The following OR8B2 variants were observed in gnomAD, a reference collection of about 807,000 sequenced individuals.
The protein encoded by OR8B2 is olfactory receptor family 8 subfamily B member 2.
For synonymous variants in OR8B2, 98 were observed against 138.2 expected, an observed-to-expected ratio of 0.71 and a Z score of 2.04; for missense variants, 304 against 379.6, an observed-to-expected ratio of 0.80 and a Z score of 1.65.
chr11:124,382,997 G>A lies in OR8B2; in HGVS notation c.347C>T (p.Thr116Ile), dbSNP rs371404244. 35 of 1,613,456 alleles carry A rather than the reference G, an allele frequency of 2.2e-5. No homozygotes were observed. In the African/African-American group the frequency reaches 3.3e-4, roughly 15 times the overall value. ...CACATAGCGATCATATGCCATTGAA[G>A]TCAACATGTAACATTCAGAGATGAC... ...FFVISECYMLTSMAYDRYVAI... is the reference protein window; with the variant it reads ...FFVISECYMLISMAYDRYVAI... Residue 116 changes from threonine to isoleucine, a missense_variant, in exon 2 of 2, where the codon ACT (threonine) becomes ATT (isoleucine). By Grantham distance (89) the Thr-to-Ile change is moderately conservative. Transcript: ENST00000641451.
chr11:124,391,089 A>C, the OR8B2 span, among the ~76,000 whole-genome samples: 1 of 152,172 alleles, frequency 6.6e-6, no homozygotes, highest in South Asian at 2.1e-4. Flanking sequence ...TATCTCATAG[A>C]CTTGTTCACC....
Position 124,384,371 on chromosome 11 carries a change from C to A in OR8B2, c.-18+3G>T, listed in dbSNP as rs1392038178. 6.6e-6 allele frequency: 1 copy of A among 152,180 alleles called. No individual in the cohort carries two copies. Among genetic ancestry groups the A allele is most frequent in the Non-Finnish European group, 1.5e-5 (1 of 68,040 alleles). The allele number at this position is 152,180 out of a possible 1,614,324, so 9.4% of individuals were successfully genotyped here. A position where few individuals can be genotyped will look rare whatever the true frequency, so the allele number is the denominator to read the frequency against. ...GAGAGAAATAGAAACTTGATTAACT[C>A]ACCTTCCTTCCACTCAGAGAACTCA... On this transcript the variant is annotated splice_donor_region_variant and intron_variant, in intron 1 of 1. Coordinates refer to ENST00000641451, the MANE Select transcript of OR8B2 (RefSeq NM_001005468.2).
chr11:124,390,980 T>G, the OR8B2 span, among the ~76,000 whole-genome samples: 1 of 152,146 alleles, frequency 6.6e-6, no homozygotes, highest in East Asian at 1.9e-4. Context: ...CCAGCAACAA[T>G]TGCTTCAAAG....
the OR8B2 span, among the ~76,000 whole-genome samples, chr11:124,393,279 GA>G: frequency 7.2e-6 from 1 of 138,602 alleles, no homozygotes; most frequent in Non-Finnish European, 1.5e-5. Flanking sequence ...CTAATTAAAT[GA>G]AAGAGCTTCT....
chr11:124,390,024 T>C, the OR8B2 span, among the ~76,000 whole-genome samples: 9 of 152,236 alleles, frequency 5.9e-5, no homozygotes, highest in African/African-American at 1.9e-4. Context: ...GATTCTCAAA[T>C]GTCAGAGAAG....
upstream of OR8B2, among the ~76,000 whole-genome samples, chr11:124,385,498 G>A (rs2134193287): frequency 7.4e-5 from 2 of 27,000 alleles, no homozygotes; most frequent in Middle Eastern, 0.024. Flanking sequence ...ATGCGTGTGT[G>A]TGTGTGTGTG....
chr11:124,386,080 C>A (rs1233173776), upstream of OR8B2, among the ~76,000 whole-genome samples: 10 of 152,058 alleles, frequency 6.6e-5, no homozygotes, highest in African/African-American at 1.9e-4. Flanking sequence ...CCAGTTCTAT[C>A]ATAGGGTCAG....
upstream of OR8B2, among the ~76,000 whole-genome samples, chr11:124,387,056 C>G (rs966014847): frequency 6.6e-6 from 1 of 152,198 alleles, no homozygotes; most frequent in Non-Finnish European, 1.5e-5. Context: ...TAAATGTCTT[C>G]TTTTGAGAAG....
chr11:124,383,093 T>C lies in OR8B2; in HGVS notation c.251A>G (p.Asn84Ser), dbSNP rs779246524. The C allele has an allele frequency of 3.1e-6, 5 of 1,613,704 alleles. No homozygotes were observed. The African/African-American group carries it at 6.7e-5, about 22-fold the overall frequency. ...SSVFTPKMLM[N>S]FVSKKNIISN... ...GATAATATTCTTTTTTGACACAAAG[T>C]TCATTAGCATTTTGGGAGTGAAAAC... The change falls in exon 2 of 2, where the codon AAC becomes AGC. Residue 84 changes from asparagine (N) to serine (S), a missense_variant. Transcript: ENST00000641451.
chr11:124,382,581 C>T lies in OR8B2; in HGVS notation c.763G>A (p.Ala255Thr). 1 of 1,612,600 alleles carries T rather than the reference C, an allele frequency of 6.2e-7. No homozygotes were observed. The highest frequency in any genetic ancestry group is 1.1e-5 in the South Asian group (1 of 90,816). Reference sequence around the variant, plus strand: ...GAATATTTAATATACATGAATGCCGCTGACCCAAAAAACAGAGACAGAGCA... The same window carrying T: ...GAATATTTAATATACATGAATGCCGTTGACCCAAAAAACAGAGACAGAGCA... ...VIALSLFFGS[A>T]AFMYIKYSSG... is the part of the protein sequence containing the mutation. Residue 255 changes from alanine to threonine, a missense_variant, in exon 2 of 2, where the codon GCG (alanine) becomes ACG (threonine). By Grantham distance (58) the Ala-to-Thr change is moderately conservative (BLOSUM62 0). Coordinates refer to ENST00000641451, the MANE Select transcript of OR8B2 (RefSeq NM_001005468.2).
rs61911137 is a variant in OR8B2, at chr11:124,383,639, A to G, written c.-17-279T>C. Among the ~76,000 whole-genome samples, 10 of 152,162 alleles carry G rather than the reference A, an allele frequency of 6.6e-5. 1 individual carries two copies. The highest frequency in any genetic ancestry group is 3.9e-4 in the Admixed American group (6 of 15,272). On this transcript the variant is annotated intron_variant, in intron 1 of 1. Coordinates refer to ENST00000641451, the MANE Select transcript of OR8B2 (RefSeq NM_001005468.2). ...CTACCTGCTGTTGAGCTTGGGTTAT[A>G]TGGATGTGTCTCATCTCCCTCACTT...
chr11:124,393,957 G>T, the OR8B2 span, among the ~76,000 whole-genome samples: 1 of 151,106 alleles, frequency 6.6e-6, no homozygotes, highest in African/African-American at 2.4e-5. Flanking sequence ...CCTTTGTAGG[G>T]ACATGGATGA....
rs1860661632 is a variant in OR8B2 at position 124,384,470 on chromosome 11, C to G, written c.-114G>C. 1 of 152,170 alleles carries G rather than the reference C, an allele frequency of 6.6e-6. No homozygotes were observed. Among genetic ancestry groups the G allele is most frequent in the African/African-American group, 2.4e-5 (1 of 41,436 alleles). 9.4% of individuals were successfully genotyped at this position (152,170 alleles called of 1,614,324 possible). A position where few individuals can be genotyped will look rare whatever the true frequency, so the allele number is the denominator to read the frequency against. ...CTGGTGGTGAAGGTATCTACGTTGA[C>G]CACATGTAGTCAAAGAATCTTCTTC... is the stretch of plus-strand genomic sequence containing the variant. On this transcript the variant is annotated 5_prime_UTR_variant, in exon 1 of 2. Transcript: ENST00000641451.
chr11:124,393,418 A>G, the OR8B2 span, among the ~76,000 whole-genome samples: 1 of 147,982 alleles, frequency 6.8e-6, no homozygotes, highest in Non-Finnish European at 1.5e-5. Flanking sequence ...ATTTACAAGA[A>G]AAAAACAAAC....
At chr11:124,395,294 A>C in the OR8B2 span, among the ~76,000 whole-genome samples, 1 of 152,072 alleles carries the variant, frequency 6.6e-6, no homozygotes, top group Non-Finnish European at 1.5e-5. Flanking sequence ...ACAAAACAAA[A>C]CAAAAAAACT....
chr11:124,391,046 G>A, the OR8B2 span, among the ~76,000 whole-genome samples: 1 of 152,128 alleles, frequency 6.6e-6, no homozygotes, highest in Non-Finnish European at 1.5e-5. Context: ...AATTGACCGC[G>A]TGAGTGAGGC....
chr11:124,393,519 T>A, the OR8B2 span, among the ~76,000 whole-genome samples: 1 of 80,682 alleles, frequency 1.2e-5, no homozygotes, highest in East Asian at 3.0e-4. Context: ...AAAACGTTCA[T>A]CATCACTGGC....
chr11:124,383,916 A>C (rs191020665), intron 1 of OR8B2, among the ~76,000 whole-genome samples: 1 of 152,310 alleles, frequency 6.6e-6, no homozygotes, highest in African/African-American at 2.4e-5. Flanking sequence ...TACAAATCAC[A>C]TAAGTGTTTC....
the OR8B2 span, chr11:124,395,449 G>A: frequency 6.6e-6 from 1 of 152,192 alleles, no homozygotes; most frequent in Non-Finnish European, 1.5e-5. Flanking sequence ...AGATGATAAA[G>A]TTTAAGTAGG....
Sources: gnomAD v4.1 joint callset for allele counts (sites outside exome capture counted in the v4.1 genomes callset) on GRCh38, gnomAD v4.1.1 for gene constraint, MANE v1.5 for transcripts, NCBI Gene and HGNC (gene_info 2026-07-23, HGNC 2026-07-21) for gene names.